The following VPS53 variants were observed in gnomAD, a reference collection of about 807,000 sequenced individuals.
The protein encoded by VPS53 is vacuolar protein sorting-associated protein 53 homolog.
A neutral mutation model predicts 107.0 loss-of-function variants in VPS53; 70 were observed. That is an observed-to-expected ratio of 0.65 (90% CI 0.54 to 0.80). VPS53 has a LOEUF of 0.80. VPS53 is among the 30% of genes least tolerant of loss of function. The probability of loss-of-function intolerance (pLI) is 0.00; values close to 1 mark genes in which losing one functional copy is unlikely to be tolerated. For missense variants in VPS53, 917 were observed against 1,049.4 expected (o/e 0.87, Z 1.74); for synonymous variants, 409 against 393.3 (o/e 1.04, Z -0.47).
chr17:612,653 T>C (rs1191978853), intron 11 of VPS53, among the ~76,000 whole-genome samples: 4 of 149,440 alleles, frequency 2.7e-5, no homozygotes, highest in Admixed American at 2.7e-4. Context: ...CGAAAACCTG[T>C]ACAGATATTC....
At chr17:593,594 C>G (rs1473176146) in intron 12 of VPS53, among the ~76,000 whole-genome samples, 1 of 152,162 alleles carries the variant, frequency 6.6e-6, no homozygotes, top group Non-Finnish European at 1.5e-5. Flanking sequence ...AAATGCAAAT[C>G]AAAACCACGA....
At chr17:615,369 A>G (rs1329902142) in intron 11 of VPS53, among the ~76,000 whole-genome samples, 1 of 152,192 alleles carries the variant, frequency 6.6e-6, no homozygotes, top group Admixed American at 6.5e-5. Context: ...GTCAGGAGTG[A>G]TGGGTCAGGA....
intron 6 of VPS53, among the ~76,000 whole-genome samples, chr17:654,736 C>CAAAAAAA (rs35308893): frequency 6.1e-4 from 41 of 67,102 alleles, no homozygotes; most frequent in South Asian, 1.3e-3. Flanking sequence ...GACTCCAACT[C>CAAAAAAA]AAAAAAAAAA....
chr17:531,670 A>AT (rs1039978578), intron 19 of VPS53, among the ~76,000 whole-genome samples: 2 of 145,038 alleles, frequency 1.4e-5, no homozygotes, highest in Admixed American at 6.9e-5. Flanking sequence ...CTAATGTTTT[A>AT]TTTTTTTTGA....
Position 714,838 on chromosome 17 carries a change from T to TCAGCCGCTCCGG in VPS53, c.-130_-129insCCGGAGCGGCTG. 9.6e-7 allele frequency: 1 copy of TCAGCCGCTCCGG among 1,038,438 alleles called. No individual in the cohort carries two copies. Among genetic ancestry groups the TCAGCCGCTCCGG allele is most frequent in the Non-Finnish European group, 1.5e-6 (1 of 682,124 alleles). 64.3% of individuals were successfully genotyped at this position (1,038,438 alleles called of 1,614,324 possible). A position where few individuals can be genotyped will look rare whatever the true frequency, so the allele number is the denominator to read the frequency against. ...GAGCCCGGCTCCGTCAGCCGCTCTG[T>TCAGCCGCTCCGG]CAGCCGCTCCGGCACTTCCGGCAGG... is the stretch of plus-strand genomic sequence containing the variant. On this transcript the variant is annotated 5_prime_UTR_variant, in exon 1 of 22. Transcript: ENST00000437048.
At chr17:565,530 G>GC (rs1288396427) in intron 13 of VPS53, among the ~76,000 whole-genome samples, 1 of 151,988 alleles carries the variant, frequency 6.6e-6, no homozygotes, top group African/African-American at 2.4e-5. Context: ...TAGTGAGAAA[G>GC]CAGGGAAGGA....
intron 19 of VPS53, among the ~76,000 whole-genome samples, chr17:531,506 T>C (rs1010763929): frequency 2.4e-4 from 34 of 141,984 alleles, no homozygotes; most frequent in African/African-American, 8.8e-4. Flanking sequence ...TAAAAGACTC[T>C]TTTTTTTTTT....
chr17:619,038 CG>C (rs1969316026), intron 11 of VPS53, among the ~76,000 whole-genome samples: 1 of 138,904 alleles, frequency 7.2e-6, no homozygotes, highest in Non-Finnish European at 1.6e-5. Flanking sequence ...CACACCACCA[CG>C]CCCCGCTAAT....
rs373401643 is a variant in VPS53 at position 712,585 on chromosome 17, T to C, written c.88-1972A>G. Among the ~76,000 whole-genome samples, 13 of 152,172 alleles carry C rather than the reference T, an allele frequency of 8.5e-5. No individual in the cohort carries two copies. The East Asian group carries it at 1.9e-3, about 23-fold the overall frequency. On this transcript the variant is annotated intron_variant, in intron 1 of 21. Coordinates refer to ENST00000437048, the MANE Select transcript of VPS53 (RefSeq NM_001128159.3). Reference sequence around the variant, plus strand: ...CACACATCACTACTCTTTACAAGTATGCTACTACAGAATTTCATTCAGAGT... The same window carrying C: ...CACACATCACTACTCTTTACAAGTACGCTACTACAGAATTTCATTCAGAGT...
chr17:632,908 A>G (rs1440343603), intron 7 of VPS53: 6 of 389,540 alleles, frequency 1.5e-5, no homozygotes, highest in Admixed American at 6.5e-5. Context: ...ATGTTTTCTA[A>G]GGTAAAAACA....
chr17:635,675 T>C (rs1970168305), intron 7 of VPS53, among the ~76,000 whole-genome samples: 2 of 152,204 alleles, frequency 1.3e-5, no homozygotes, highest in African/African-American at 4.8e-5. Flanking sequence ...ATTTCTTGTT[T>C]TTGTCAGGTT....
chr17:622,297 C>G (rs1969500764), intron 11 of VPS53, among the ~76,000 whole-genome samples: 3 of 152,128 alleles, frequency 2.0e-5, no homozygotes, highest in African/African-American at 7.2e-5. Context: ...CACTACATTA[C>G]AGCAGAATCG....
At chr17:663,022 A>G (rs1971537345) in intron 4 of VPS53, among the ~76,000 whole-genome samples, 1 of 151,674 alleles carries the variant, frequency 6.6e-6, no homozygotes. Context: ...CCTGGGGAAC[A>G]TGGCAAGACT....
intron 4 of VPS53, chr17:674,925 AC>A (rs1195767244): frequency 1.3e-5 from 2 of 152,394 alleles, no homozygotes; most frequent in Non-Finnish European, 2.9e-5. Context: ...CCTAATTCAC[AC>A]ATCTTTGTAA....
intron 14 of VPS53, among the ~76,000 whole-genome samples, 183 bp downstream of exon 14, chr17:562,320 A>T (rs1913086360): frequency 6.6e-6 from 1 of 152,040 alleles, no homozygotes; most frequent in African/African-American, 2.4e-5. Flanking sequence ...ATTTCCTCTG[A>T]TGGTCTTGAT....
intron 7 of VPS53, among the ~76,000 whole-genome samples, chr17:652,839 ACTAT>A (rs1462597952): frequency 1.3e-5 from 2 of 152,256 alleles, no homozygotes; most frequent in African/African-American, 4.8e-5. Flanking sequence ...TACAACTGTA[ACTAT>A]CTACCACAGG....
At chr17:686,474 C>G (rs975714158) in intron 4 of VPS53, among the ~76,000 whole-genome samples, 2 of 152,130 alleles carry the variant, frequency 1.3e-5, no homozygotes, top group African/African-American at 4.8e-5. Context: ...CATGTCACGC[C>G]AGGCAAACAT....
At chr17:523,697 C>T (rs890999109) in intron 19 of VPS53, among the ~76,000 whole-genome samples, 3 of 152,192 alleles carry the variant, frequency 2.0e-5, no homozygotes, top group African/African-American at 4.8e-5. Flanking sequence ...GCCTGCACCA[C>T]GCAGGTCATT....
At chr17:633,387 A>G (rs186821461) in intron 7 of VPS53, among the ~76,000 whole-genome samples, 9 of 152,280 alleles carry the variant, frequency 5.9e-5, no homozygotes, top group South Asian at 2.1e-4. Flanking sequence ...ATGCCTTAAA[A>G]GAGCACACTT....
Sources: allele counts gnomAD v4.1 joint callset (sites outside exome capture counted in the v4.1 genomes callset), GRCh38; gene constraint gnomAD v4.1.1; transcripts MANE v1.5; gene names NCBI Gene and HGNC (gene_info 2026-07-23, HGNC 2026-07-21).